Variants in ACVR1B observed in about 807,000 individuals in gnomAD.
ACVR1B encodes the protein activin A receptor type 1B.
A neutral mutation model predicts 55.6 loss-of-function variants in ACVR1B; 15 were observed. The observed-to-expected ratio is 0.27, with a 90% CI of 0.18 to 0.42. The LOEUF is 0.42. Among genes scored for constraint, ACVR1B ranks in the 10% least tolerant of loss-of-function variants. The probability of loss-of-function intolerance (pLI) is 1.00; values close to 1 mark genes in which losing one functional copy is unlikely to be tolerated. For synonymous variants in ACVR1B, 247 were observed against 254.6 expected (o/e 0.97, Z 0.28); for missense variants, 359 against 670.1 (o/e 0.54, Z 5.13).
At chr12:51,988,885 G>A (rs1358980486) in intron 7 of ACVR1B, among the ~76,000 whole-genome samples, 6 of 152,038 alleles carry the variant, frequency 3.9e-5, no homozygotes, top group African/African-American at 1.4e-4. Context: ...TGAGAGGCCA[G>A]GGTGGGCTGA....
chr12:51,976,039 A>G (rs543188316), intron 2 of ACVR1B, among the ~76,000 whole-genome samples: 5 of 152,316 alleles, frequency 3.3e-5, no homozygotes, highest in South Asian at 2.1e-4. Flanking sequence ...AAGGGCAGAA[A>G]CAGGCATCTG....
At chr12:51,960,403 C>T (rs1029769635) in intron 1 of ACVR1B, among the ~76,000 whole-genome samples, 1 of 152,044 alleles carries the variant, frequency 6.6e-6, no homozygotes, top group Non-Finnish European at 1.5e-5. Context: ...CCCTGGGTGA[C>T]AGAGTGAGAT....
chr12:51,952,539 T>C (rs1941322375), intron 1 of ACVR1B, among the ~76,000 whole-genome samples: 1 of 152,184 alleles, frequency 6.6e-6, no homozygotes, highest in African/African-American at 2.4e-5. Context: ...AACAGGCCCC[T>C]AAACCTTTTT....
rs962112771 is a variant in ACVR1B, at chr12:51,982,753, C to A, written c.812-1246C>A. 1.3e-6 allele frequency: 2 copies of A among 1,533,994 alleles called. No homozygotes were observed. Among genetic ancestry groups the A allele is most frequent in the Admixed American group, 2.0e-5 (1 of 50,756 alleles). On this transcript the variant is annotated intron_variant, in intron 4 of 8. Coordinates refer to ENST00000257963, the MANE Select transcript of ACVR1B (RefSeq NM_004302.5). Reference sequence around the variant, plus strand: ...TCTCTGCTGCCCCCAAGCTGAGGAGCCTTAGACTCCAATACAAGGGAGGAA... The same window carrying A: ...TCTCTGCTGCCCCCAAGCTGAGGAGACTTAGACTCCAATACAAGGGAGGAA...
intron 4 of ACVR1B, chr12:51,982,644 C>T (rs1942001600): frequency 1.3e-6 from 2 of 1,493,502 alleles, no homozygotes; most frequent in Admixed American, 2.3e-5. Flanking sequence ...GTCTACAAAG[C>T]CTACAGAAGA....
chr12:51,958,349 A>AG (rs574765888), intron 1 of ACVR1B, among the ~76,000 whole-genome samples: 151 of 152,282 alleles, frequency 9.9e-4, no homozygotes, highest in Non-Finnish European at 1.6e-3. Context: ...CAGGGGAAGT[A>AG]GGGGAGATAT....
At chr12:51,975,095 CTAAA>C (rs1401540762) in intron 1 of ACVR1B, among the ~76,000 whole-genome samples, 166 bp from the exon 2 acceptor site, 1 of 152,182 alleles carries the variant, frequency 6.6e-6, no homozygotes, top group Non-Finnish European at 1.5e-5. Flanking sequence ...TGTTTGTGAG[CTAAA>C]TAAACAGGTG....
At chr12:51,959,304 A>C (rs1941471129) in intron 1 of ACVR1B, among the ~76,000 whole-genome samples, 1 of 152,216 alleles carries the variant, frequency 6.6e-6, no homozygotes, top group Non-Finnish European at 1.5e-5. Context: ...CACAAGAGGA[A>C]ATCAGATGTT....
intron 1 of ACVR1B, among the ~76,000 whole-genome samples, chr12:51,964,902 T>A (rs1412299184): frequency 6.6e-6 from 1 of 152,194 alleles, no homozygotes; most frequent in African/African-American, 2.4e-5. Flanking sequence ...CCTCCAACTT[T>A]ATTTTTTTTT....
chr12:51,980,251 A>C (rs574664828), intron 3 of ACVR1B, among the ~76,000 whole-genome samples: 2 of 152,342 alleles, frequency 1.3e-5, no homozygotes, highest in South Asian at 4.1e-4. Flanking sequence ...CCCATCTACC[A>C]GACCTAGGGA....
chr12:51,969,479 A>G (rs551322948), intron 1 of ACVR1B, among the ~76,000 whole-genome samples: 9 of 152,348 alleles, frequency 5.9e-5, no homozygotes, highest in African/African-American at 1.9e-4. Context: ...CCTGGTTGCT[A>G]TGCTGATGAG....
At chr12:51,990,064 C>T (rs1324271879) in intron 7 of ACVR1B, among the ~76,000 whole-genome samples, 6 of 151,960 alleles carry the variant, frequency 3.9e-5, no homozygotes, top group East Asian at 1.9e-4. Flanking sequence ...GAGGCTGAGG[C>T]GGGCAGATCA....
chr12:51,991,711 T>A (rs2120756972), intron 7 of ACVR1B, 152 bp from the exon 8 acceptor site: 1 of 862,222 alleles, frequency 1.2e-6, no homozygotes, highest in East Asian at 2.6e-5. Flanking sequence ...CCCTTTTGTG[T>A]ATTTCTTGTT....
intron 1 of ACVR1B, among the ~76,000 whole-genome samples, chr12:51,966,540 C>G (rs1432856992): frequency 1.3e-5 from 2 of 152,210 alleles, no homozygotes; most frequent in African/African-American, 4.8e-5. Flanking sequence ...CTTCAGTCTC[C>G]TGGGCTCAAG....
chr12:51,970,579 T>C (rs1009483431), intron 1 of ACVR1B, among the ~76,000 whole-genome samples: 1 of 152,220 alleles, frequency 6.6e-6, no homozygotes, highest in East Asian at 1.9e-4. Context: ...TGTAGAGTTA[T>C]GGTCTTTGTT....
intron 1 of ACVR1B, among the ~76,000 whole-genome samples, chr12:51,957,072 A>G (rs1592241054): frequency 6.6e-6 from 1 of 151,718 alleles, no homozygotes; most frequent in Non-Finnish European, 1.5e-5. Context: ...GGCCTGTTTC[A>G]TGTGTTTCTG....
intron 7 of ACVR1B, chr12:51,987,483 G>T: frequency 3.6e-6 from 1 of 276,644 alleles, no homozygotes. Flanking sequence ...AATAGTATCA[G>T]ATTTAGCAGA....
At chr12:51,974,550 T>C (rs1941809491) in intron 1 of ACVR1B, among the ~76,000 whole-genome samples, 1 of 152,194 alleles carries the variant, frequency 6.6e-6, no homozygotes, top group African/African-American at 2.4e-5. Context: ...CGTGAATGCA[T>C]GTGCATGCTA....
chr12:51,967,489 G>T (rs576338231), intron 1 of ACVR1B, among the ~76,000 whole-genome samples: 1 of 152,276 alleles, frequency 6.6e-6, no homozygotes, highest in East Asian at 1.9e-4. Context: ...AACCCAGGAG[G>T]CAATGGTTGC....
Sources: allele counts gnomAD v4.1 joint callset (sites outside exome capture counted in the v4.1 genomes callset), GRCh38; gene constraint gnomAD v4.1.1; transcripts MANE v1.5; gene names NCBI Gene and HGNC (gene_info 2026-07-23, HGNC 2026-07-21).